RPSA2: variants seen among roughly 807,000 people sequenced by gnomAD.
The protein encoded by RPSA2 is small ribosomal subunit protein uS2B.
At chr19:23,770,915 G>C in the RPSA2 span, among the ~76,000 whole-genome samples, 14,678 of 152,156 alleles carry the variant, frequency 0.096, 845 homozygotes, top group East Asian at 0.22. Context: ...TCACTGGTGG[G>C]ATTGTGATGC....
At chr19:23,847,095 G>C in the RPSA2 span, among the ~76,000 whole-genome samples, 1 of 151,710 alleles carries the variant, frequency 6.6e-6, no homozygotes, top group Non-Finnish European at 1.5e-5. Flanking sequence ...TATTTTAAAA[G>C]ACCTGTTTAA....
chr19:23,860,259 C>T, the RPSA2 span, among the ~76,000 whole-genome samples: 1 of 152,154 alleles, frequency 6.6e-6, no homozygotes, highest in Non-Finnish European at 1.5e-5. Context: ...CTCCACACGA[C>T]CCTCCCAAAC....
At chr19:23,821,596 G>A in the RPSA2 span, among the ~76,000 whole-genome samples, 1 of 152,194 alleles carries the variant, frequency 6.6e-6, no homozygotes, top group Non-Finnish European at 1.5e-5. Context: ...TTCTCTGCCA[G>A]CCCGATCAGG....
chr19:23,771,685 A>C, the RPSA2 span, among the ~76,000 whole-genome samples: 3 of 152,126 alleles, frequency 2.0e-5, no homozygotes, highest in Non-Finnish European at 4.4e-5. Context: ...CACTGTGAGT[A>C]ATGTCCAGGT....
the RPSA2 span, among the ~76,000 whole-genome samples, chr19:23,847,635 C>T: frequency 1.3e-5 from 2 of 152,170 alleles, no homozygotes; most frequent in African/African-American, 4.8e-5. Context: ...TCTTGATAAA[C>T]ATCTTAACAG....
chr19:23,832,551 A>G, the RPSA2 span: 13 of 859,254 alleles, frequency 1.5e-5, no homozygotes, highest in Non-Finnish European at 1.7e-5. Flanking sequence ...AAGAAACCCT[A>G]CAAATGTCAA....
At chr19:23,833,522 G>T in the RPSA2 span, among the ~76,000 whole-genome samples, 1 of 152,072 alleles carries the variant, frequency 6.6e-6, no homozygotes, top group Non-Finnish European at 1.5e-5. Flanking sequence ...TTGATTGTAG[G>T]TAAGGTAATT....
the RPSA2 span, among the ~76,000 whole-genome samples, chr19:23,771,576 T>A: frequency 6.6e-6 from 1 of 150,514 alleles, no homozygotes; most frequent in African/African-American, 2.4e-5. Context: ...CTGGGCCCAG[T>A]GTACAGACGG....
chr19:23,795,966 T>C, the RPSA2 span, among the ~76,000 whole-genome samples: 3 of 152,266 alleles, frequency 2.0e-5, no homozygotes, highest in Admixed American at 6.5e-5. Context: ...GATTTTGCCA[T>C]GTCAGCCAGG....
the RPSA2 span, among the ~76,000 whole-genome samples, chr19:23,790,002 T>A: frequency 6.6e-6 from 1 of 151,914 alleles, no homozygotes. Context: ...TGTATGTATA[T>A]ATTTATTTAT....
chr19:23,794,938 T>G, the RPSA2 span, among the ~76,000 whole-genome samples: 1 of 152,216 alleles, frequency 6.6e-6, no homozygotes, highest in South Asian at 2.1e-4. Context: ...AATAGGGAAT[T>G]CTTTCCACAT....
chr19:23,846,748 A>G, the RPSA2 span, among the ~76,000 whole-genome samples: 3 of 152,140 alleles, frequency 2.0e-5, no homozygotes, highest in Non-Finnish European at 4.4e-5. Context: ...ATGTGGTTCT[A>G]TTTATAAATG....
the RPSA2 span, among the ~76,000 whole-genome samples, chr19:23,803,124 A>C: frequency 2.6e-5 from 4 of 152,016 alleles, no homozygotes; most frequent in Non-Finnish European, 4.4e-5. Flanking sequence ...CACTTAAAAA[A>C]TGAAACAGAA....
At chr19:23,799,775 TGCA>T in the RPSA2 span, among the ~76,000 whole-genome samples, 2 of 152,062 alleles carry the variant, frequency 1.3e-5, no homozygotes, top group Non-Finnish European at 2.9e-5. Context: ...GGCTTCAAGT[TGCA>T]GAACTATCTT....
chr19:23,780,457 C>T, the RPSA2 span, among the ~76,000 whole-genome samples: 28 of 151,998 alleles, frequency 1.8e-4, no homozygotes, highest in Admixed American at 1.6e-3. Context: ...TCCTGGCTAA[C>T]GTGGTGAAAC....
the RPSA2 span, among the ~76,000 whole-genome samples, chr19:23,788,915 A>C: frequency 6.7e-6 from 1 of 148,540 alleles, no homozygotes; most frequent in South Asian, 2.1e-4. Context: ...TGTGTGTCTC[A>C]CCTCTCAGGG....
the RPSA2 span, among the ~76,000 whole-genome samples, chr19:23,774,263 C>A: frequency 6.6e-6 from 1 of 152,140 alleles, no homozygotes; most frequent in Non-Finnish European, 1.5e-5. Flanking sequence ...TGACATATTG[C>A]TGGGTCCGAC....
the RPSA2 span, among the ~76,000 whole-genome samples, chr19:23,826,560 C>G: frequency 1.3e-5 from 2 of 152,032 alleles, no homozygotes; most frequent in Admixed American, 1.3e-4. Context: ...AGTATAACTA[C>G]TTCATGTATG....
chr19:23,760,877 C>A, the RPSA2 span, among the ~76,000 whole-genome samples: 1 of 151,290 alleles, frequency 6.6e-6, no homozygotes, highest in Non-Finnish European at 1.5e-5. Context: ...TTTGGGCAGG[C>A]TGGTCTCGAA....
Sources: gnomAD v4.1 joint callset for allele counts (sites outside exome capture counted in the v4.1 genomes callset) on GRCh38, gnomAD v4.1.1 for gene constraint, MANE v1.5 for transcripts, NCBI Gene and HGNC (gene_info 2026-07-23, HGNC 2026-07-21) for gene names.